NLGN1: variants seen among roughly 807,000 people sequenced by gnomAD.
NLGN1 encodes neuroligin 1.
Under a neutral mutation model 65.5 loss-of-function variants are expected in NLGN1, and 12 were observed. That is an observed-to-expected ratio of 0.18 (90% CI 0.12 to 0.30). The LOEUF (loss-of-function observed/expected upper bound fraction) is 0.30, where lower values mean the gene tolerates loss of function less well. NLGN1 is among the 10% of genes least tolerant of loss of function. The pLI is 1.00. For synonymous variants in NLGN1, 350 were observed against 359.5 expected, an observed-to-expected ratio of 0.97 and a Z score of 0.30; for missense variants, 750 against 1,007.1, an observed-to-expected ratio of 0.74 and a Z score of 3.46.
intron 3 of NLGN1, among the ~76,000 whole-genome samples, chr3:173,765,836 A>T (rs1463010430): frequency 2.6e-5 from 4 of 152,158 alleles, no homozygotes; most frequent in Non-Finnish European, 5.9e-5. Flanking sequence ...TTTTGTTCTC[A>T]TACATACTCA....
chr3:173,503,063 G>C (rs1050245122), intron 2 of NLGN1, among the ~76,000 whole-genome samples: 5 of 151,648 alleles, frequency 3.3e-5, no homozygotes, highest in Non-Finnish European at 5.9e-5. Flanking sequence ...ATGCCATATA[G>C]ATGTATGTAT....
chr3:173,450,437 A>C (rs1721276557), intron 2 of NLGN1, among the ~76,000 whole-genome samples: 4 of 152,192 alleles, frequency 2.6e-5, no homozygotes, highest in Admixed American at 2.6e-4. Context: ...ATCAGCTGTT[A>C]GTCTGATGGG....
intron 2 of NLGN1, among the ~76,000 whole-genome samples, chr3:173,495,261 T>G (rs1729812194): frequency 6.6e-6 from 1 of 151,786 alleles, no homozygotes; most frequent in Non-Finnish European, 1.5e-5. Flanking sequence ...CAAACATAAT[T>G]GATTTTTAAA....
At chr3:174,272,285 G>C (rs1412658451) in intron 4 of NLGN1, among the ~76,000 whole-genome samples, 3 of 151,572 alleles carry the variant, frequency 2.0e-5, no homozygotes, top group Non-Finnish European at 4.4e-5. Flanking sequence ...GTGCTGTTAA[G>C]GACATAACAG....
At position 173,490,331 on chromosome 3, in the gene NLGN1, C is replaced by T. The variant is rs201365202; in HGVS notation, c.-321+55253C>T. 3.6e-4 allele frequency among the ~76,000 whole-genome samples: 55 copies of T among 152,200 alleles called. No homozygotes were observed. In the East Asian group the frequency reaches 0.01, roughly 29 times the overall value. On this transcript the variant is annotated intron_variant, in intron 2 of 6. Coordinates refer to ENST00000457714, the Ensembl canonical transcript of NLGN1. ...ACATATGGCTAGCCAGTTTTCCCAG[C>T]ACCATTTATTAAATAGGGAATCCTT...
chr3:174,094,044 T>C (rs566751435), intron 4 of NLGN1, among the ~76,000 whole-genome samples: 24 of 152,158 alleles, frequency 1.6e-4, no homozygotes, highest in African/African-American at 5.5e-4. Flanking sequence ...CTGAACATAA[T>C]CCAAAAAAGT....
the NLGN1 span, among the ~76,000 whole-genome samples, chr3:174,294,303 C>T: frequency 2.2e-4 from 33 of 151,180 alleles, no homozygotes; most frequent in African/African-American, 7.5e-4. Context: ...TTTTTCTATT[C>T]GTTTATTAAT....
In NLGN1 at chr3:173,714,760, A is replaced by C. The variant is rs1433733987; in HGVS notation, c.494-92920A>C. Among the ~76,000 whole-genome samples, 4 of 152,120 alleles carry C rather than the reference A, an allele frequency of 2.6e-5. No individual in the cohort carries two copies. In the South Asian group the frequency reaches 8.3e-4, roughly 32 times the overall value. On this transcript the variant is annotated intron_variant, in intron 3 of 6. Coordinates refer to ENST00000457714, the Ensembl canonical transcript of NLGN1. ...GCCCAGAATGTTTTGGGAAAATTCA[A>C]GTACTCTATAGTATTACAGGAGAAA...
intron 4 of NLGN1, among the ~76,000 whole-genome samples, chr3:174,166,936 C>A (rs980719947): frequency 2.0e-5 from 3 of 151,848 alleles, no homozygotes; most frequent in Admixed American, 2.0e-4. Context: ...ATATGTAATG[C>A]CCTTCTTTGT....
chr3:173,999,672 T>G (rs1722914131), intron 4 of NLGN1, among the ~76,000 whole-genome samples: 1 of 152,192 alleles, frequency 6.6e-6, no homozygotes, highest in African/African-American at 2.4e-5. Flanking sequence ...AGGAACAATT[T>G]GTAAGACAAA....
intron 3 of NLGN1, among the ~76,000 whole-genome samples, chr3:173,622,837 A>G (rs1376080400): frequency 1.3e-5 from 2 of 152,110 alleles, no homozygotes; most frequent in Non-Finnish European, 2.9e-5. Flanking sequence ...TTATTGTTTG[A>G]TATTTCCGAA....
At chr3:173,489,835 G>A (rs1176601039) in intron 2 of NLGN1, among the ~76,000 whole-genome samples, 1 of 152,090 alleles carries the variant, frequency 6.6e-6, no homozygotes, top group Middle Eastern at 3.2e-3. Context: ...CTGATGGCCA[G>A]TGATGATGAG....
chr3:173,929,012 A>G (rs1743547315), intron 4 of NLGN1, among the ~76,000 whole-genome samples: 1 of 152,158 alleles, frequency 6.6e-6, no homozygotes, highest in Non-Finnish European at 1.5e-5. Context: ...TAAAAAGGAA[A>G]GGTCGATTAT....
chr3:174,079,210 AT>A (rs1741641320), intron 4 of NLGN1, among the ~76,000 whole-genome samples: 1 of 152,168 alleles, frequency 6.6e-6, no homozygotes, highest in African/African-American at 2.4e-5. Flanking sequence ...AAACTTTCCC[AT>A]TAAAAAGTGG....
At chr3:173,810,963 A>G (rs1481160270) in intron 4 of NLGN1, among the ~76,000 whole-genome samples, 2 of 152,182 alleles carry the variant, frequency 1.3e-5, no homozygotes, top group Non-Finnish European at 2.9e-5. Context: ...AATAAGATTG[A>G]CAAAGAGGGA....
intron 2 of NLGN1, among the ~76,000 whole-genome samples, chr3:173,480,886 T>C (rs1490899032): frequency 1.3e-5 from 2 of 152,110 alleles, no homozygotes. Flanking sequence ...TGGGTATGAA[T>C]AATAAGTGCT....
intron 2 of NLGN1, among the ~76,000 whole-genome samples, chr3:173,455,487 G>A (rs1020605955): frequency 6.6e-6 from 1 of 152,034 alleles, no homozygotes; most frequent in African/African-American, 2.4e-5. Flanking sequence ...ATCAATCAGT[G>A]ATCACCCTAA....
At position 173,572,233 on chromosome 3, in the gene NLGN1, G is replaced by T. The variant is rs539151517; in HGVS notation, c.-320-32046G>T. 1.8e-4 allele frequency among the ~76,000 whole-genome samples: 28 copies of T among 152,256 alleles called. No homozygotes were observed. The East Asian group carries it at 4.8e-3, about 26-fold the overall frequency. ...CAGCTCCAGAGATTCTGATTTAATTGGTCTTGAAGGAGGGGACCAAATATT... is the reference window on the plus strand; with the variant it reads ...CAGCTCCAGAGATTCTGATTTAATTTGTCTTGAAGGAGGGGACCAAATATT... On this transcript the variant is annotated intron_variant, in intron 2 of 6. Transcript: ENST00000457714.
chr3:174,048,705 A>C (rs1427792563), intron 4 of NLGN1, among the ~76,000 whole-genome samples: 1 of 152,068 alleles, frequency 6.6e-6, no homozygotes, highest in Non-Finnish European at 1.5e-5. Context: ...TACAGAAATC[A>C]AGCATTTAAA....
Sources: gnomAD v4.1 joint callset for allele counts (sites outside exome capture counted in the v4.1 genomes callset) on GRCh38, gnomAD v4.1.1 for gene constraint, MANE v1.5 for transcripts, NCBI Gene and HGNC (gene_info 2026-07-23, HGNC 2026-07-21) for gene names.